ADGRV1: variants seen among roughly 807,000 people sequenced by gnomAD.
ADGRV1 encodes the protein adhesion G protein-coupled receptor V1, also known as G-protein coupled receptor 98.
Under a neutral mutation model 596.2 loss-of-function variants are expected in ADGRV1, and 359 were observed. The observed-to-expected ratio is 0.60, with a 90% CI of 0.55 to 0.66. The LOEUF is 0.66. ADGRV1 is among the 30% of genes least tolerant of loss of function. The pLI, the probability that ADGRV1 is intolerant of heterozygous loss-of-function variation, is 0.00. For missense variants in ADGRV1, 7,274 were observed against 7,575.6 expected (o/e 0.96, Z 1.48); for synonymous variants, 2,681 against 2,679.2 (o/e 1.00, Z -0.02).
intron 86 of ADGRV1, among the ~76,000 whole-genome samples, chr5:91,080,496 A>G (rs562082473): frequency 1.8e-4 from 28 of 151,790 alleles, no homozygotes; most frequent in African/African-American, 6.5e-4. Flanking sequence ...TCTTCTTGGT[A>G]ATAGTGACAT....
chr5:90,968,952 C>T (rs754241014), intron 84 of ADGRV1, among the ~76,000 whole-genome samples: 24 of 151,978 alleles, frequency 1.6e-4, no homozygotes, highest in Non-Finnish European at 3.1e-4. Context: ...GAATTGTTAA[C>T]GTTTATTTTT....
At chr5:90,903,254 C>T (rs553589756) in intron 83 of ADGRV1, among the ~76,000 whole-genome samples, 134 of 152,102 alleles carry the variant, frequency 8.8e-4, no homozygotes, top group Middle Eastern at 3.4e-3. Flanking sequence ...TAATAACATT[C>T]TTCCGGTATT....
chr5:91,127,365 T>C (rs1793848136), intron 87 of ADGRV1, among the ~76,000 whole-genome samples: 2 of 151,964 alleles, frequency 1.3e-5, no homozygotes, highest in South Asian at 4.2e-4. Context: ...CACAGTGACA[T>C]GTTGTCTCTA....
intron 70 of ADGRV1, among the ~76,000 whole-genome samples, chr5:90,796,261 A>G (rs1423366502): frequency 6.6e-6 from 1 of 152,192 alleles, no homozygotes; most frequent in African/African-American, 2.4e-5. Flanking sequence ...AACTAGAATA[A>G]CCAGTTTAGA....
At chr5:90,615,179 G>A (rs1180874369) in intron 2 of ADGRV1, among the ~76,000 whole-genome samples, 160 bp downstream of exon 2, 3 of 151,562 alleles carry the variant, frequency 2.0e-5, no homozygotes, top group Non-Finnish European at 4.4e-5. Flanking sequence ...ATCTCTTACA[G>A]GTTTATAGAG....
intron 1 of ADGRV1, among the ~76,000 whole-genome samples, chr5:90,593,977 A>T: frequency 6.6e-6 from 1 of 152,130 alleles, no homozygotes; most frequent in East Asian, 1.9e-4. Context: ...ATCTGCAAAA[A>T]CATTACTACA....
In ADGRV1 at chr5:90,811,065, A is replaced by T. The variant is rs1310231206; in HGVS notation, c.15805A>T (p.Met5269Leu). 6.2e-7 allele frequency: 1 copy of T among 1,613,908 alleles called. No homozygotes were observed. Among genetic ancestry groups the T allele is most frequent in the Non-Finnish European group, 8.5e-7 (1 of 1,179,874 alleles). The change falls in exon 74 of 90, where the codon ATG becomes TTG. Residue 5269 changes from methionine to leucine, a missense_variant. Transcript: ENST00000405460. ...VKTFGERCAQ[M>L]EPNALPFRGI... ...AACTTTCGGTGAAAGATGTGCTCAG[A>T]TGGAACCAAATGCATTGCCCTTTCG...
intron 83 of ADGRV1, among the ~76,000 whole-genome samples, chr5:90,878,733 G>A (rs1769455916): frequency 1.3e-5 from 2 of 152,208 alleles, no homozygotes; most frequent in Non-Finnish European, 2.9e-5. Context: ...AATCTCAGGA[G>A]TGCTGGGGAG....
At chr5:90,715,368 A>G (rs1007162313) in intron 42 of ADGRV1, among the ~76,000 whole-genome samples, 3 of 152,198 alleles carry the variant, frequency 2.0e-5, no homozygotes, top group Non-Finnish European at 2.9e-5. Flanking sequence ...TGGGCTGTTC[A>G]TTTACCAGCT....
At chr5:90,955,172 C>G (rs1777362613) in intron 83 of ADGRV1, among the ~76,000 whole-genome samples, 1 of 152,146 alleles carries the variant, frequency 6.6e-6, no homozygotes, top group South Asian at 2.1e-4. Context: ...GACTTTCCAT[C>G]CTCTAGAACC....
intron 77 of ADGRV1, among the ~76,000 whole-genome samples, chr5:90,839,264 G>GCATAATCTCT (rs1765230733): frequency 6.6e-6 from 1 of 152,078 alleles, no homozygotes; most frequent in Non-Finnish European, 1.5e-5. Flanking sequence ...GCCCAGGCTG[G>GCATAATCTCT]AGTGCAGTGG....
intron 22 of ADGRV1, among the ~76,000 whole-genome samples, chr5:90,673,635 T>G (rs960707824): frequency 3.3e-5 from 5 of 152,126 alleles, no homozygotes; most frequent in Non-Finnish European, 5.9e-5. Flanking sequence ...TGGTGCCTTC[T>G]CAATATGCCC....
chr5:90,600,361 G>A (rs560508520), intron 1 of ADGRV1, among the ~76,000 whole-genome samples: 3 of 152,006 alleles, frequency 2.0e-5, no homozygotes, highest in Non-Finnish European at 4.4e-5. Flanking sequence ...GTGTCCAGTT[G>A]TTCTCATTGT....
chr5:90,576,511 C>T (rs1467258348), intron 1 of ADGRV1, among the ~76,000 whole-genome samples: 1 of 152,150 alleles, frequency 6.6e-6, no homozygotes, highest in Non-Finnish European at 1.5e-5. Flanking sequence ...TCCAGTCTAT[C>T]ACTGATGGAC....
At position 90,690,856 on chromosome 5, in the gene ADGRV1, C is replaced by T. The variant is rs1746374507; in HGVS notation, c.6766C>T (p.Leu2256=). ...EPEFNSVKVN[L]PIIRNSGTLG... ...TGAGTTTAACTCAGTGAAGGTAAACCTGCCAATAATTCGAAATTCTGGGAC... is the reference window on the plus strand; with the variant it reads ...TGAGTTTAACTCAGTGAAGGTAAACTTGCCAATAATTCGAAATTCTGGGAC... The change falls in exon 31 of 90, where the codon CTG becomes TTG. Residue 2256 remains leucine (L), a synonymous_variant. Coordinates refer to ENST00000405460, the MANE Select transcript of ADGRV1 (RefSeq NM_032119.4). The T allele has an allele frequency of 1.2e-6, 2 of 1,609,634 alleles. No homozygotes were observed. Among genetic ancestry groups the T allele is most frequent in the Non-Finnish European group, 1.7e-6 (2 of 1,177,512 alleles).
At chr5:90,811,429 G>A in intron 74 of ADGRV1, 91 bp downstream of exon 74, 1 of 1,217,952 alleles carries the variant, frequency 8.2e-7, no homozygotes, top group South Asian at 1.6e-5. Context: ...ATGGAAGAAG[G>A]TGAAGTTCTT....
intron 48 of ADGRV1, 51 bp from the exon 49 acceptor site, chr5:90,728,618 A>G (rs1561611243): frequency 1.4e-6 from 2 of 1,470,814 alleles, no homozygotes; most frequent in Non-Finnish European, 1.9e-6. Flanking sequence ...CATTCTTGCA[A>G]GTGCTAAATT....
intron 76 of ADGRV1, among the ~76,000 whole-genome samples, chr5:90,824,164 A>T (rs1763865633): frequency 6.6e-6 from 1 of 152,222 alleles, no homozygotes; most frequent in Admixed American, 6.5e-5. Flanking sequence ...TTTATTACTT[A>T]CTAAGTGATT....
At chr5:90,847,108 C>G (rs1765963798) in intron 78 of ADGRV1, among the ~76,000 whole-genome samples, 1 of 152,110 alleles carries the variant, frequency 6.6e-6, no homozygotes, top group South Asian at 2.1e-4. Flanking sequence ...TCTCCAAGCC[C>G]CCACCAGATT....
Sources: allele counts gnomAD v4.1 joint callset (sites outside exome capture counted in the v4.1 genomes callset), GRCh38; gene constraint gnomAD v4.1.1; transcripts MANE v1.5; gene names NCBI Gene and HGNC (gene_info 2026-07-23, HGNC 2026-07-21).